ADGRB3: variants seen among roughly 807,000 people sequenced by gnomAD.
ADGRB3 encodes the protein brain-specific angiogenesis inhibitor 3.
A neutral mutation model predicts 193.4 loss-of-function variants in ADGRB3; 37 were observed. The observed-to-expected ratio is 0.19, with a 90% CI of 0.15 to 0.25. ADGRB3 has a LOEUF of 0.25. Among genes scored for constraint, ADGRB3 ranks in the 10% least tolerant of loss-of-function variants. The probability of loss-of-function intolerance (pLI) is 1.00; values close to 1 mark genes in which losing one functional copy is unlikely to be tolerated. For missense variants in ADGRB3, 1,637 were observed against 1,852.9 expected, an observed-to-expected ratio of 0.88 and a Z score of 2.14; for synonymous variants, 690 against 644.2, an observed-to-expected ratio of 1.07 and a Z score of -1.08.
chr6:68,789,634 G>T (rs1374845806), intron 3 of ADGRB3, among the ~76,000 whole-genome samples: 8 of 152,070 alleles, frequency 5.3e-5, no homozygotes, highest in African/African-American at 1.9e-4. Context: ...ATGTGTCTTT[G>T]AGTTGCTCTT....
At chr6:69,381,790 A>G (rs1469511279) in intron 30 of ADGRB3, among the ~76,000 whole-genome samples, 1 of 151,978 alleles carries the variant, frequency 6.6e-6, no homozygotes, top group Admixed American at 6.6e-5. Context: ...AAACATAGAT[A>G]TAATATACCT....
At chr6:68,740,142 TAAAG>T (rs1765951667) in intron 3 of ADGRB3, among the ~76,000 whole-genome samples, 1 of 152,220 alleles carries the variant, frequency 6.6e-6, no homozygotes, top group African/African-American at 2.4e-5. Context: ...TGATAATTAA[TAAAG>T]AATTTCCTTT....
At chr6:68,660,255 A>T (rs1768594386) in intron 3 of ADGRB3, among the ~76,000 whole-genome samples, 1 of 149,388 alleles carries the variant, frequency 6.7e-6, no homozygotes, top group Non-Finnish European at 1.5e-5. Context: ...TATTTCATAT[A>T]AGTACAGTAT....
In ADGRB3 at chr6:69,111,773, G is replaced by C. The variant is rs149883771; in HGVS notation, c.2480+35735G>C. On this transcript the variant is annotated intron_variant, in intron 17 of 31. Transcript: ENST00000370598. ...AAATATTGTTTCACCTTAGACTTGT[G>C]AAATGCAGAACAAATAAAACAATCA... Among the ~76,000 whole-genome samples, 483 of 152,272 alleles carry C rather than the reference G, an allele frequency of 3.2e-3. 3 individuals are homozygous for C. Among genetic ancestry groups the C allele is most frequent in the African/African-American group, 0.011 (439 of 41,544 alleles).
chr6:68,996,729 G>A (rs1769394160), intron 11 of ADGRB3, among the ~76,000 whole-genome samples: 1 of 152,038 alleles, frequency 6.6e-6, no homozygotes, highest in South Asian at 2.1e-4. Context: ...TTCCTCTTCT[G>A]CATCTCATCA....
At chr6:69,272,092 G>T (rs998634773) in intron 20 of ADGRB3, among the ~76,000 whole-genome samples, 6 of 152,174 alleles carry the variant, frequency 3.9e-5, no homozygotes, top group Non-Finnish European at 7.4e-5. Context: ...GAGCAAACAT[G>T]CAGATTCACA....
intron 17 of ADGRB3, among the ~76,000 whole-genome samples, chr6:69,117,859 A>G (rs1469590014): frequency 6.6e-6 from 1 of 152,202 alleles, no homozygotes; most frequent in Admixed American, 6.5e-5. Context: ...AAAGATTGCT[A>G]ATATCCACAA....
intron 15 of ADGRB3, among the ~76,000 whole-genome samples, chr6:69,052,584 G>A (rs602406): frequency 0.5 from 76,124 of 152,000 alleles, 20,723 homozygotes; most frequent in East Asian, 0.96. Context: ...TATGAAGGAG[G>A]ACTTGCTGTA....
At chr6:68,674,922 T>A (rs938446443) in intron 3 of ADGRB3, among the ~76,000 whole-genome samples, 1 of 152,220 alleles carries the variant, frequency 6.6e-6, no homozygotes, top group Non-Finnish European at 1.5e-5. Context: ...TCATAGGTTC[T>A]ACCTGGAGTA....
chr6:68,835,036 A>G (rs1768020423), intron 3 of ADGRB3, among the ~76,000 whole-genome samples: 1 of 152,170 alleles, frequency 6.6e-6, no homozygotes, highest in Non-Finnish European at 1.5e-5. Flanking sequence ...TTCATAAAAT[A>G]TTTGACATAC....
chr6:68,970,011 C>G (rs2150262928), intron 8 of ADGRB3, among the ~76,000 whole-genome samples: 1 of 152,326 alleles, frequency 6.6e-6, no homozygotes, highest in South Asian at 2.1e-4. Flanking sequence ...TCCAGCCCTG[C>G]TGAACTCGAT....
intron 3 of ADGRB3, among the ~76,000 whole-genome samples, chr6:68,858,610 A>G (rs1042387586): frequency 9.4e-5 from 14 of 149,670 alleles, no homozygotes; most frequent in Non-Finnish European, 1.9e-4. Context: ...AAAAAAAAAA[A>G]ACACAGCATA....
intron 4 of ADGRB3, among the ~76,000 whole-genome samples, chr6:68,933,547 C>T (rs1767405261): frequency 1.3e-5 from 2 of 152,178 alleles, no homozygotes; most frequent in Non-Finnish European, 2.9e-5. Context: ...GAGCCAAGAT[C>T]ACACCATTGC....
intron 3 of ADGRB3, among the ~76,000 whole-genome samples, chr6:68,745,447 G>A (rs1437017628): frequency 6.6e-6 from 1 of 152,080 alleles, no homozygotes; most frequent in African/African-American, 2.4e-5. Context: ...AAATAGGGAA[G>A]AGAGGAGTTG....
At chr6:69,164,377 A>G (rs1421989752) in intron 17 of ADGRB3, among the ~76,000 whole-genome samples, 1 of 152,144 alleles carries the variant, frequency 6.6e-6, no homozygotes, top group African/African-American at 2.4e-5. Context: ...GTTAGAAAAA[A>G]AAAAGCTTAC....
At chr6:68,893,047 A>G (rs1410562678) in intron 3 of ADGRB3, among the ~76,000 whole-genome samples, 1 of 152,098 alleles carries the variant, frequency 6.6e-6, no homozygotes, top group Non-Finnish European at 1.5e-5. Flanking sequence ...CCTTGAAAAC[A>G]TTGGAAAATT....
intron 30 of ADGRB3, among the ~76,000 whole-genome samples, chr6:69,376,273 T>C (rs943427592): frequency 6.6e-6 from 1 of 151,720 alleles, no homozygotes; most frequent in Admixed American, 6.6e-5. Context: ...TTTTGTTTTG[T>C]TTTTTGTATA....
At position 68,820,256 on chromosome 6, in the gene ADGRB3, TTTTC is replaced by T. The variant is rs534278158; in HGVS notation, c.758-110297_758-110294del. ...CCACTGTTATAATTTATTAAAATAA[TTTTC>T]TTTCTCCCTCCCTCTCTCCAGCACT... On this transcript the variant is annotated intron_variant, in intron 3 of 31. Transcript: ENST00000370598. Among the ~76,000 whole-genome samples, 604 of 152,122 alleles carry T rather than the reference TTTTC, an allele frequency of 4.0e-3. 5 individuals are homozygous for T. Among genetic ancestry groups the T allele is most frequent in the African/African-American group, 0.014 (565 of 41,540 alleles).
intron 3 of ADGRB3, among the ~76,000 whole-genome samples, chr6:68,852,052 T>C (rs1307333317): frequency 6.6e-6 from 1 of 151,886 alleles, no homozygotes; most frequent in Non-Finnish European, 1.5e-5. Context: ...TAACCTATTG[T>C]AGGTTTATAA....
Sources: gnomAD v4.1 joint callset for allele counts (sites outside exome capture counted in the v4.1 genomes callset) on GRCh38, gnomAD v4.1.1 for gene constraint, MANE v1.5 for transcripts, NCBI Gene and HGNC (gene_info 2026-07-23, HGNC 2026-07-21) for gene names.